Variants in KCMF1 observed in about 807,000 individuals in gnomAD.
KCMF1 encodes the protein E3 ubiquitin-protein ligase KCMF1.
Under a neutral mutation model 41.1 loss-of-function variants are expected in KCMF1, and 3 were observed. The observed-to-expected ratio is 0.07, with a 90% CI of 0.03 to 0.19. KCMF1 has a LOEUF of 0.19. KCMF1 is among the 10% of genes least tolerant of loss of function. The probability of loss-of-function intolerance (pLI) is 1.00; values close to 1 mark genes in which losing one functional copy is unlikely to be tolerated. For synonymous variants in KCMF1, 142 were observed against 164.5 expected, an observed-to-expected ratio of 0.86 and a Z score of 1.04; for missense variants, 286 against 488.9, an observed-to-expected ratio of 0.58 and a Z score of 3.91.
At chr2:85,010,447 T>G (rs1405952415) in intron 1 of KCMF1, among the ~76,000 whole-genome samples, 5 of 152,144 alleles carry the variant, frequency 3.3e-5, no homozygotes, top group Admixed American at 2.0e-4. Context: ...CCAGCCTGGG[T>G]GACCAAATTG....
At chr2:85,032,907 T>C (rs1675310692) in intron 2 of KCMF1, among the ~76,000 whole-genome samples, 13 of 152,216 alleles carry the variant, frequency 8.5e-5, no homozygotes, top group Admixed American at 8.5e-4. Flanking sequence ...CCTTTCTGTC[T>C]GGATGCCTTT....
chr2:85,023,417 C>A (rs1419678162), intron 1 of KCMF1, among the ~76,000 whole-genome samples: 2 of 145,706 alleles, frequency 1.4e-5, no homozygotes, highest in African/African-American at 2.5e-5. Flanking sequence ...CTCCTGGGTT[C>A]ACGCCATTCT....
At chr2:85,024,106 A>T (rs1258857384) in intron 1 of KCMF1, among the ~76,000 whole-genome samples, 1 of 152,136 alleles carries the variant, frequency 6.6e-6, no homozygotes, top group East Asian at 1.9e-4. Context: ...TGAATACCAA[A>T]CTTTTGTCTG....
intron 1 of KCMF1, among the ~76,000 whole-genome samples, chr2:85,015,869 C>T (rs190307610): frequency 6.6e-6 from 1 of 152,248 alleles, no homozygotes; most frequent in African/African-American, 2.4e-5. Context: ...ACTAGAGGGA[C>T]GACCTCTGTG....
chr2:84,988,096 A>G (rs928462112), intron 1 of KCMF1, among the ~76,000 whole-genome samples: 3 of 151,958 alleles, frequency 2.0e-5, no homozygotes, highest in Non-Finnish European at 2.9e-5. Flanking sequence ...GGCGGGTGTG[A>G]TGGCGCATGC....
chr2:85,030,177 T>A lies in KCMF1; in HGVS notation c.184+2121T>A, dbSNP rs550300498. On this transcript the variant is annotated intron_variant, in intron 2 of 6. Coordinates refer to ENST00000409785, the MANE Select transcript of KCMF1 (RefSeq NM_020122.5). Reference sequence around the variant, plus strand: ...GAAATACCTTGATCCTTTGCCCATTTTTTAATTGGATAATGTGTCTTTGTT... The same window carrying A: ...GAAATACCTTGATCCTTTGCCCATTATTTAATTGGATAATGTGTCTTTGTT... Among the ~76,000 whole-genome samples the A allele has an allele frequency of 2.6e-5, 4 of 152,324 alleles. No individual in the cohort carries two copies. In the South Asian group the frequency reaches 8.3e-4, roughly 32 times the overall value.
At chr2:84,972,499 TAA>T (rs1559122428) in intron 1 of KCMF1, among the ~76,000 whole-genome samples, 1 of 152,236 alleles carries the variant, frequency 6.6e-6, no homozygotes, top group African/African-American at 2.4e-5. Context: ...TAAAAAGTGT[TAA>T]GAGTCTTGGC....
At chr2:84,987,755 T>C (rs1673940678) in intron 1 of KCMF1, among the ~76,000 whole-genome samples, 1 of 152,138 alleles carries the variant, frequency 6.6e-6, no homozygotes, top group South Asian at 2.1e-4. Flanking sequence ...GATGAAAGCA[T>C]AGAGAAGGGA....
chr2:84,975,168 G>A (rs1673512832), intron 1 of KCMF1, among the ~76,000 whole-genome samples: 1 of 152,086 alleles, frequency 6.6e-6, no homozygotes, highest in Admixed American at 6.6e-5. Flanking sequence ...CTTGAACCCA[G>A]GAGGTGGAGG....
chr2:84,991,980 A>G (rs1230382819), intron 1 of KCMF1, among the ~76,000 whole-genome samples: 1 of 152,202 alleles, frequency 6.6e-6, no homozygotes, highest in Non-Finnish European at 1.5e-5. Context: ...CCCTGAGGCC[A>G]CACTTCTGCA....
chr2:84,997,141 G>A (rs544105365), intron 1 of KCMF1, among the ~76,000 whole-genome samples: 13 of 152,190 alleles, frequency 8.5e-5, no homozygotes, highest in Non-Finnish European at 1.6e-4. Context: ...TACCTAGCGT[G>A]ACAACTACTC....
At chr2:85,048,095 C>T (rs189489095) in intron 5 of KCMF1, among the ~76,000 whole-genome samples, 9 of 152,000 alleles carry the variant, frequency 5.9e-5, no homozygotes, top group Non-Finnish European at 1.3e-4. Context: ...CATGTACCCC[C>T]AAACCTAAAA....
chr2:85,000,661 C>A (rs1318789525), intron 1 of KCMF1, among the ~76,000 whole-genome samples: 1 of 150,786 alleles, frequency 6.6e-6, no homozygotes, highest in Admixed American at 6.6e-5. Context: ...TGAAGCAAAA[C>A]AATATTTGTG....
intron 1 of KCMF1, among the ~76,000 whole-genome samples, chr2:85,010,285 G>A (rs985859755): frequency 6.6e-6 from 1 of 152,056 alleles, no homozygotes; most frequent in Non-Finnish European, 1.5e-5. Context: ...CCTGGGCAAC[G>A]TAGTGAAACC....
chr2:84,981,363 G>C (rs932826372), intron 1 of KCMF1, among the ~76,000 whole-genome samples: 1 of 151,896 alleles, frequency 6.6e-6, no homozygotes, highest in African/African-American at 2.4e-5. Flanking sequence ...CTAATTTTTT[G>C]TATTTTTAGT....
intron 1 of KCMF1, among the ~76,000 whole-genome samples, chr2:85,009,693 T>C (rs12996683): frequency 6.6e-6 from 1 of 152,196 alleles, no homozygotes; most frequent in Non-Finnish European, 1.5e-5. Flanking sequence ...TTTCTGGAAA[T>C]GATATACTTA....
intron 1 of KCMF1, among the ~76,000 whole-genome samples, chr2:84,989,400 G>A (rs1200426554): frequency 6.6e-6 from 1 of 152,200 alleles, no homozygotes; most frequent in African/African-American, 2.4e-5. Flanking sequence ...GAGGCAGAAA[G>A]GGAGGGATAA....
chr2:85,035,564 C>T (rs1383025160), intron 3 of KCMF1, among the ~76,000 whole-genome samples: 3 of 152,168 alleles, frequency 2.0e-5, no homozygotes, highest in African/African-American at 7.2e-5. Flanking sequence ...CATAATAATC[C>T]ATTGTCACAT....
At chr2:85,009,781 C>A (rs144047050) in intron 1 of KCMF1, among the ~76,000 whole-genome samples, 2,298 of 152,244 alleles carry the variant, frequency 0.015, 36 homozygotes, top group Non-Finnish European at 0.02. Context: ...GGGTCAGAGA[C>A]CCTCTTTAAT....
Sources: allele counts gnomAD v4.1 joint callset (sites outside exome capture counted in the v4.1 genomes callset), GRCh38; gene constraint gnomAD v4.1.1; transcripts MANE v1.5; gene names NCBI Gene and HGNC (gene_info 2026-07-23, HGNC 2026-07-21).